The following SEC24C variants were observed in gnomAD, a reference collection of about 807,000 sequenced individuals.
SEC24C encodes the protein protein transport protein Sec24C.
A neutral mutation model predicts 117.0 loss-of-function variants in SEC24C; 22 were observed. The ratio of observed to expected loss-of-function variants is 0.19; its 90% CI spans 0.13 to 0.27. SEC24C has a LOEUF of 0.27. Among genes scored for constraint, SEC24C ranks in the 10% least tolerant of loss-of-function variants. The pLI, the probability that SEC24C is intolerant of heterozygous loss-of-function variation, is 1.00. For missense variants in SEC24C, 1,155 were observed against 1,375.1 expected, an observed-to-expected ratio of 0.84 and a Z score of 2.53; for synonymous variants, 506 against 529.4, an observed-to-expected ratio of 0.96 and a Z score of 0.61.
chr10:73,769,448 T>C lies in SEC24C; in HGVS notation c.2526T>C (p.Cys842=). The C allele has an allele frequency of 6.2e-7, 1 of 1,614,068 alleles. No individual in the cohort carries two copies. The highest frequency in any genetic ancestry group is 1.1e-5 in the South Asian group (1 of 91,070). ...AGCTGGCTGATCTATATCGAAACTG[T>C]GAGACTGACACGCTCATCAACTACA... The part of the protein sequence containing the change: ...CTQLADLYRN[C]ETDTLINYMA... Residue 842 remains cysteine, a synonymous_variant, in exon 18 of 23, where the codon TGT becomes TGC. Coordinates refer to ENST00000345254, the MANE Select transcript of SEC24C (RefSeq NM_198597.3). This position sits in a 1 kb window ranked among gnomAD's most constrained non-coding sequence, Gnocchi z 4.5.
rs2082925443 is a variant in SEC24C at position 73,768,819 on chromosome 10, G to A, written c.2191G>A (p.Asp731Asn). Reference protein sequence around the residue: ...YKYASFQVENDQERFLSDLRR... With the variant: ...YKYASFQVENNQERFLSDLRR... ...ACCTGGGGGCCTGCAGGTGGAGAAC[G>A]ACCAGGAGCGGTTCCTGAGTGACCT... is the stretch of plus-strand genomic sequence containing the variant. The change falls in exon 16 of 23, where the codon GAC becomes AAC. Residue 731 changes from aspartate to asparagine, a missense_variant. Asp to Asn is a conservative substitution (Grantham distance 23, BLOSUM62 1). Around this residue, in one of 2 missense-constraint regions of SEC24C, gnomAD observed 759 missense variants for 992.3 expected, o/e 0.76. Transcript: ENST00000345254. 4 of 1,613,192 alleles carry A rather than the reference G, an allele frequency of 2.5e-6. No homozygotes were observed. The highest frequency in any genetic ancestry group is 1.3e-5 in the African/African-American group (1 of 75,008).
At chr10:73,757,920 CAAAAAAAAAAAAA>C (rs61625607) in intron 3 of SEC24C, among the ~76,000 whole-genome samples, 1 of 38,876 alleles carries the variant, frequency 2.6e-5, no homozygotes, top group Non-Finnish European at 4.2e-5. Context: ...GACCCTGTCT[CAAAAAAAAAAAAA>C]AAAAAAAAAA....
In SEC24C at chr10:73,770,310, C is replaced by T; in HGVS notation, c.2893C>T (p.Pro965Ser). 6.2e-7 allele frequency: 1 copy of T among 1,612,872 alleles called. No homozygotes were observed. The highest frequency in any genetic ancestry group is 8.5e-7 in the Non-Finnish European group (1 of 1,179,388). ...GTCTCCCGTTGAGAGTACTACCGAACCACCAGCAGTTCGAGCCTCTGAAGA... is the reference window on the plus strand; with the variant it reads ...GTCTCCCGTTGAGAGTACTACCGAATCACCAGCAGTTCGAGCCTCTGAAGA... ...TKSPVESTTE[P>S]PAVRASEERL... The change falls in exon 21 of 23, where the codon CCA (proline) becomes TCA (serine). Residue 965 changes from proline to serine, a missense_variant. Around this residue, in one of 2 missense-constraint regions of SEC24C, gnomAD observed 759 missense variants for 992.3 expected, o/e 0.76. Coordinates refer to ENST00000345254, the MANE Select transcript of SEC24C (RefSeq NM_198597.3).
intron 3 of SEC24C, among the ~76,000 whole-genome samples, chr10:73,758,297 T>A (rs2082743137): frequency 6.6e-6 from 1 of 152,218 alleles, no homozygotes; most frequent in African/African-American, 2.4e-5. Context: ...TTGTAATGTT[T>A]AGCTAAAAGG....
intron 2 of SEC24C, among the ~76,000 whole-genome samples, chr10:73,749,312 T>G (rs894044230): frequency 3.3e-5 from 5 of 152,242 alleles, no homozygotes; most frequent in African/African-American, 4.8e-5. Flanking sequence ...GGACTGATGA[T>G]TCTTATGTAT....
chr10:73,751,347 G>C, intron 3 of SEC24C, 104 bp downstream of exon 3: 3 of 1,173,818 alleles, frequency 2.6e-6, no homozygotes, highest in Non-Finnish European at 3.5e-6. Context: ...GATCACCTGA[G>C]GTCAGGAGTT....
At chr10:73,750,247 A>G (rs907462952) in intron 2 of SEC24C, among the ~76,000 whole-genome samples, 1 of 152,208 alleles carries the variant, frequency 6.6e-6, no homozygotes, top group African/African-American at 2.4e-5. Flanking sequence ...TAGGCTAATC[A>G]TGTTCCTGTA....
rs554269326 is a variant in SEC24C, at chr10:73,771,290, C to T, written c.*195C>T. On this transcript the variant is annotated 3_prime_UTR_variant, in exon 23 of 23. Transcript: ENST00000345254. Reference sequence around the variant, plus strand: ...TGTCATGTCCTGCTGATGGAAGGTGCCCCTGTTCCCTCATTCTACCCTCTT... The same window carrying T: ...TGTCATGTCCTGCTGATGGAAGGTGTCCCTGTTCCCTCATTCTACCCTCTT... 3.3e-6 allele frequency: 2 copies of T among 611,082 alleles called. No individual in the cohort carries two copies. The highest frequency in any genetic ancestry group is 2.8e-6 in the Non-Finnish European group (1 of 353,822). 37.9% of individuals were successfully genotyped at this position (611,082 alleles called of 1,614,324 possible). A position where few individuals can be genotyped will look rare whatever the true frequency, so the allele number is the denominator to read the frequency against.
At chr10:73,760,416 G>A in intron 5 of SEC24C, 30 bp downstream of exon 5, 1 of 1,535,540 alleles carries the variant, frequency 6.5e-7, no homozygotes, top group Non-Finnish European at 8.7e-7. Flanking sequence ...TGTCTTAGAA[G>A]CTAGAGGCTT....
In SEC24C at chr10:73,766,489, C is replaced by T. The variant is rs767867892; in HGVS notation, c.1747C>T (p.Leu583=). 4 of 1,613,522 alleles carry T rather than the reference C, an allele frequency of 2.5e-6. No homozygotes were observed. Residue 583 remains leucine, a synonymous_variant, in exon 12 of 23, where the codon CTG becomes TTG. Transcript: ENST00000345254. ...VSDVADMFVP[L]LDGFLVNVNE... is the part of the protein sequence containing the mutation. ...TGATGTGGCTGACATGTTTGTGCCA[C>T]TGCTGGATGGCTTCCTGGTCAACGT...
chr10:73,746,733 C>T, intron 1 of SEC24C, 72 bp from the exon 2 acceptor site: 1 of 1,010,296 alleles, frequency 9.9e-7, no homozygotes. Flanking sequence ...TTCTTTTTAT[C>T]TCTACTTCCT....
At chr10:73,747,493 A>G (rs982840834) in intron 2 of SEC24C, among the ~76,000 whole-genome samples, 3 of 152,160 alleles carry the variant, frequency 2.0e-5, no homozygotes, top group Admixed American at 6.5e-5. Flanking sequence ...CTAGGATTAC[A>G]GGCATCCACC....
intron 3 of SEC24C, among the ~76,000 whole-genome samples, chr10:73,758,196 C>G (rs1423047171): frequency 6.6e-6 from 1 of 151,118 alleles, no homozygotes; most frequent in Non-Finnish European, 1.5e-5. Flanking sequence ...GATCGCACCA[C>G]TGCACTCCAG....
chr10:73,751,548 CATAA>C (rs576423139), intron 3 of SEC24C, among the ~76,000 whole-genome samples: 19 of 151,930 alleles, frequency 1.3e-4, no homozygotes, highest in Admixed American at 3.3e-4. Flanking sequence ...GACTCCGTCT[CATAA>C]ATAAATAAAT....
At chr10:73,751,901 A>G (rs1443201250) in intron 3 of SEC24C, 1 of 152,306 alleles carries the variant, frequency 6.6e-6, no homozygotes, top group South Asian at 2.1e-4. Context: ...AAACTTCAGG[A>G]TTATTTGCAT....
rs201538148 is a variant in SEC24C, at chr10:73,769,042, A to G, written c.2314A>G (p.Met772Val). The G allele has an allele frequency of 1.2e-4, 191 of 1,614,122 alleles. No individual in the cohort carries two copies. Among genetic ancestry groups the G allele is most frequent in the Non-Finnish European group, 1.9e-5 (22 of 1,180,050 alleles). Residue 772 changes from methionine to valine, a missense_variant, in exon 17 of 23, where the codon ATG (methionine) becomes GTG (valine). Met to Val is a conservative substitution (Grantham distance 21). Coordinates refer to ENST00000345254, the MANE Select transcript of SEC24C (RefSeq NM_198597.3). The surrounding 1 kb of genome is among the most constrained non-coding windows in gnomAD (Gnocchi z 4.5). ...TGTAGATTTCTTTGGAGCTTTCTAC[A>G]TGAGCAACACGACAGATGTGGAGCT... ...RAVDFFGAFY[M>V]SNTTDVELAG... is the part of the protein sequence containing the mutation.
chr10:73,766,368 G>C lies in SEC24C; in HGVS notation c.1626G>C (p.Glu542Asp). 1 of 1,608,266 alleles carries C rather than the reference G, an allele frequency of 6.2e-7. No homozygotes were observed. The highest frequency in any genetic ancestry group is 8.5e-7 in the Non-Finnish European group (1 of 1,176,032). Residue 542 changes from glutamate to aspartate, a missense_variant, in exon 12 of 23, where the codon GAG becomes GAC. Transcript: ENST00000345254. ...DFLPREGGAE[E>D]SAIRVGFVTY... ...TCTACAGGGAGGGTGGGGCAGAAGA[G>C]TCAGCAATCCGCGTTGGCTTTGTCA...
intron 3 of SEC24C, among the ~76,000 whole-genome samples, chr10:73,752,775 G>A (rs1343099141): frequency 6.6e-6 from 1 of 152,092 alleles, no homozygotes; most frequent in African/African-American, 2.4e-5. Flanking sequence ...AGTGAGCCAT[G>A]ATTGTACTGC....
At chr10:73,748,281 T>A (rs922836818) in intron 2 of SEC24C, among the ~76,000 whole-genome samples, 4 of 142,548 alleles carry the variant, frequency 2.8e-5, no homozygotes, top group African/African-American at 1.1e-4. Flanking sequence ...GATTACAGGC[T>A]CCCGCCACCA....
Sources: gnomAD v4.1 joint callset for allele counts (sites outside exome capture counted in the v4.1 genomes callset) on GRCh38, gnomAD v4.1.1 for gene constraint, gnomAD v4.1.1 regional missense constraint, Gnocchi (gnomAD v3.1) non-coding constraint, MANE v1.5 for transcripts, NCBI Gene and HGNC (gene_info 2026-07-23, HGNC 2026-07-21) for gene names.